The following PIK3CB variants were observed in gnomAD, a reference collection of about 807,000 sequenced individuals.
PIK3CB encodes the protein phosphatidylinositol 4,5-bisphosphate 3-kinase catalytic subunit beta isoform.
Under a neutral mutation model 136.8 loss-of-function variants are expected in PIK3CB, and 39 were observed. The ratio of observed to expected loss-of-function variants is 0.29; its 90% CI spans 0.22 to 0.37. The LOEUF is 0.37. PIK3CB is among the 10% of genes least tolerant of loss of function. The probability of loss-of-function intolerance (pLI) is 1.00; values close to 1 mark genes in which losing one functional copy is unlikely to be tolerated. For synonymous variants in PIK3CB, 428 were observed against 436.6 expected (o/e 0.98, Z 0.25); for missense variants, 868 against 1,275.4 (o/e 0.68, Z 4.87).
chr3:138,743,612 G>C (rs1348388879), intron 4 of PIK3CB, among the ~76,000 whole-genome samples: 1 of 152,120 alleles, frequency 6.6e-6, no homozygotes, highest in East Asian at 1.9e-4. Context: ...ACCCAGGCTG[G>C]AGTGCAGTGG....
At position 138,674,638 on chromosome 3, in the gene PIK3CB, C is replaced by G. The variant is rs1168751238; in HGVS notation, c.2504+7329G>C. 5.9e-5 allele frequency among the ~76,000 whole-genome samples: 9 copies of G among 152,194 alleles called. No homozygotes were observed. The East Asian group carries it at 1.7e-3, about 29-fold the overall frequency. ...TACAAAGAAACAAAAAAGCATGGCA[C>G]ACATACAGGAAAAATGCATTCAATG... is the stretch of plus-strand genomic sequence containing the variant. On this transcript the variant is annotated intron_variant, in intron 19 of 23. Transcript: ENST00000674063.
At chr3:138,713,803 T>C (rs947808504) in intron 9 of PIK3CB, among the ~76,000 whole-genome samples, 1 of 152,124 alleles carries the variant, frequency 6.6e-6, no homozygotes, top group Non-Finnish European at 1.5e-5. Flanking sequence ...AGTGAAACAT[T>C]TGACTGAAAA....
At chr3:138,767,048 C>G (rs2045740194) in intron 2 of PIK3CB, among the ~76,000 whole-genome samples, 1 of 151,914 alleles carries the variant, frequency 6.6e-6, no homozygotes, top group Non-Finnish European at 1.5e-5. Flanking sequence ...GTGGCACATG[C>G]CTGCAATCCT....
intron 8 of PIK3CB, among the ~76,000 whole-genome samples, chr3:138,720,212 A>C (rs2044698148): frequency 6.6e-6 from 1 of 152,178 alleles, no homozygotes; most frequent in Admixed American, 6.5e-5. Context: ...TCAGCCACAC[A>C]ATCTCACGAT....
chr3:138,802,434 G>C (rs1001920210), intron 1 of PIK3CB, among the ~76,000 whole-genome samples: 1 of 151,402 alleles, frequency 6.6e-6, no homozygotes, highest in African/African-American at 2.4e-5. Context: ...AAAGGGGAAA[G>C]GAAAGAGTGG....
chr3:138,768,916 C>T (rs1461989093), intron 2 of PIK3CB, among the ~76,000 whole-genome samples: 1 of 152,158 alleles, frequency 6.6e-6, no homozygotes, highest in Non-Finnish European at 1.5e-5. Flanking sequence ...CAGAGTGGGC[C>T]TTCTTGGGCC....
chr3:138,726,947 A>C (rs1472344852), intron 8 of PIK3CB, among the ~76,000 whole-genome samples: 1 of 152,054 alleles, frequency 6.6e-6, no homozygotes, highest in Admixed American at 6.5e-5. Flanking sequence ...GATATACAGG[A>C]GTCTGAGGCA....
intron 14 of PIK3CB, among the ~76,000 whole-genome samples, chr3:138,693,992 A>ATT (rs1449407695): frequency 6.2e-5 from 7 of 113,326 alleles, no homozygotes; most frequent in Admixed American, 3.8e-4. Flanking sequence ...ATATATATAT[A>ATT]TTTTAAACCC....
At chr3:138,728,152 A>G (rs181088955) in intron 8 of PIK3CB, among the ~76,000 whole-genome samples, 1 of 152,308 alleles carries the variant, frequency 6.6e-6, no homozygotes, top group East Asian at 1.9e-4. Flanking sequence ...CATAAAGAAA[A>G]CTTAAGGCTC....
chr3:138,754,689 A>G (rs570602717), intron 4 of PIK3CB, among the ~76,000 whole-genome samples: 1 of 152,296 alleles, frequency 6.6e-6, no homozygotes, highest in African/African-American at 2.4e-5. Context: ...GTAAACTAAC[A>G]AGGTTCTATG....
chr3:138,725,038 G>A (rs1382937644), intron 8 of PIK3CB, among the ~76,000 whole-genome samples: 1 of 152,076 alleles, frequency 6.6e-6, no homozygotes, highest in Non-Finnish European at 1.5e-5. Context: ...TGGGTGTGAG[G>A]TTTGAAAATT....
At chr3:138,710,372 A>AT (rs1428385622) in intron 10 of PIK3CB, among the ~76,000 whole-genome samples, 2 of 152,162 alleles carry the variant, frequency 1.3e-5, no homozygotes, top group Non-Finnish European at 2.9e-5. Flanking sequence ...TCCAAAAGTA[A>AT]TTTTTCAGGT....
chr3:138,828,708 T>C (rs1042020987), intron 1 of PIK3CB, among the ~76,000 whole-genome samples: 3 of 152,086 alleles, frequency 2.0e-5, no homozygotes, highest in African/African-American at 7.2e-5. Context: ...TAGTGCCCTA[T>C]AATACTACCT....
Position 138,709,632 on chromosome 3 carries a change from A to G in PIK3CB, c.1400-2343T>C, listed in dbSNP as rs145388568. 4.4e-3 allele frequency among the ~76,000 whole-genome samples: 664 copies of G among 152,328 alleles called. 7 individuals carry two copies. In the Middle Eastern group the frequency reaches 0.044, roughly 10 times the overall value. The stretch of plus-strand genomic sequence containing the variant: ...CTACTGGGTTAAATGTAACAATTCT[A>G]GAGCTGACACATGCAGAACTAATGT... On this transcript the variant is annotated intron_variant, in intron 10 of 23. Transcript: ENST00000674063.
chr3:138,681,036 T>C (rs2043764292), intron 19 of PIK3CB, among the ~76,000 whole-genome samples: 1 of 151,010 alleles, frequency 6.6e-6, no homozygotes, highest in Non-Finnish European at 1.5e-5. Flanking sequence ...ACAATTTTCA[T>C]GTTAGTTTTT....
chr3:138,674,761 TA>T (rs1336658440), intron 19 of PIK3CB, among the ~76,000 whole-genome samples: 1 of 152,146 alleles, frequency 6.6e-6, no homozygotes, highest in African/African-American at 2.4e-5. Flanking sequence ...AAACCATGTT[TA>T]AAGAACTATA....
chr3:138,717,456 A>G (rs1464201023), intron 8 of PIK3CB, among the ~76,000 whole-genome samples: 3 of 152,200 alleles, frequency 2.0e-5, no homozygotes, highest in Non-Finnish European at 2.9e-5. Flanking sequence ...CTATATACAG[A>G]CATAACAGCA....
chr3:138,756,251 A>G (rs935323896), intron 3 of PIK3CB, among the ~76,000 whole-genome samples: 2 of 152,210 alleles, frequency 1.3e-5, no homozygotes, highest in African/African-American at 4.8e-5. Context: ...AGCAAATTAT[A>G]GGAGAGTATA....
At chr3:138,672,644 C>T (rs1011285927) in intron 19 of PIK3CB, among the ~76,000 whole-genome samples, 1 of 151,994 alleles carries the variant, frequency 6.6e-6, no homozygotes, top group African/African-American at 2.4e-5. Flanking sequence ...TGGTGGCTCA[C>T]GCCTGTAATC....
Sources: allele counts gnomAD v4.1 joint callset (sites outside exome capture counted in the v4.1 genomes callset), GRCh38; gene constraint gnomAD v4.1.1; transcripts MANE v1.5; gene names NCBI Gene and HGNC (gene_info 2026-07-23, HGNC 2026-07-21).